The following EPHA6 variants were observed in gnomAD, a reference collection of about 807,000 sequenced individuals.
The protein encoded by EPHA6 is EPH receptor A6.
A neutral mutation model predicts 112.0 loss-of-function variants in EPHA6; 50 were observed. That is an observed-to-expected ratio of 0.45 (90% CI 0.36 to 0.56). The LOEUF is 0.56. EPHA6 is among the 20% of genes least tolerant of loss of function. EPHA6 has a pLI of 0.00. For synonymous variants in EPHA6, 529 were observed against 490.7 expected (o/e 1.08, Z -1.03); for missense variants, 1,280 against 1,417.4 (o/e 0.90, Z 1.56).
intron 14 of EPHA6, among the ~76,000 whole-genome samples, chr3:97,684,171 T>C (rs1170496066): frequency 6.6e-6 from 1 of 152,196 alleles, no homozygotes; most frequent in Non-Finnish European, 1.5e-5. Flanking sequence ...CATTAGTATG[T>C]GCTTAATTCT....
At position 97,372,049 on chromosome 3, in the gene EPHA6, G is replaced by A. The variant is rs148483334; in HGVS notation, c.1607-33101G>A. On this transcript the variant is annotated intron_variant, in intron 5 of 17. Coordinates refer to ENST00000389672, the MANE Select transcript of EPHA6 (RefSeq NM_001080448.3). ...AATTTTGCCCCGGTCCTGTGATCTC[G>A]CCCTGCCTTCATTTACCTTGTAATA... Among the ~76,000 whole-genome samples the A allele has an allele frequency of 5.2e-3, 795 of 152,076 alleles. 5 individuals carry two copies. The highest frequency in any genetic ancestry group is 0.017 in the African/African-American group (703 of 41,496).
chr3:97,757,038 C>T lies in EPHA6; in HGVS notation c.*8337C>T, dbSNP rs138182691. 3.6e-4 allele frequency among the ~76,000 whole-genome samples: 54 copies of T among 151,728 alleles called. No individual in the cohort carries two copies. In the East Asian group the frequency reaches 9.8e-3, roughly 28 times the overall value. ...TTCTTAAAATGTTAATTATGGTATA[C>T]GTGCTATAGTAACCTCATTTTTTAA... On this transcript the variant is annotated 3_prime_UTR_variant, in exon 18 of 18. Transcript: ENST00000389672.
intron 3 of EPHA6, among the ~76,000 whole-genome samples, chr3:97,105,105 C>A (rs1324571024): frequency 6.7e-6 from 1 of 150,080 alleles, no homozygotes. Flanking sequence ...ATTTCTTTGC[C>A]TTTGAATGTT....
intron 5 of EPHA6, among the ~76,000 whole-genome samples, chr3:97,397,776 G>A (rs1312127890): frequency 6.6e-6 from 1 of 151,274 alleles, no homozygotes; most frequent in Non-Finnish European, 1.5e-5. Flanking sequence ...TATACAGAAT[G>A]GAGTATTTTA....
At chr3:97,208,613 G>T (rs1393958521) in intron 3 of EPHA6, among the ~76,000 whole-genome samples, 1 of 152,020 alleles carries the variant, frequency 6.6e-6, no homozygotes, top group African/African-American at 2.4e-5. Context: ...TGGACATGGT[G>T]GTGCATGCCT....
intron 3 of EPHA6, among the ~76,000 whole-genome samples, chr3:97,210,222 T>G (rs2077831180): frequency 2.0e-5 from 3 of 152,254 alleles, no homozygotes; most frequent in Non-Finnish European, 4.4e-5. Context: ...AAAAAATGTT[T>G]AATTGACTCC....
intron 16 of EPHA6, among the ~76,000 whole-genome samples, chr3:97,737,568 T>C (rs1001712400): frequency 1.3e-5 from 2 of 152,072 alleles, no homozygotes; most frequent in Non-Finnish European, 2.9e-5. Flanking sequence ...TTCTTTCTTA[T>C]ACAAGTTGGC....
intron 12 of EPHA6, among the ~76,000 whole-genome samples, chr3:97,596,875 AATATAT>A (rs62670860): frequency 0.035 from 3,510 of 100,196 alleles, 148 homozygotes; most frequent in East Asian, 0.19. Context: ...ATATCTATGG[AATATAT>A]ATATATATAT....
chr3:97,163,566 T>A (rs2076466791), intron 3 of EPHA6, among the ~76,000 whole-genome samples: 1 of 152,170 alleles, frequency 6.6e-6, no homozygotes, highest in African/African-American at 2.4e-5. Context: ...AATTTGTACC[T>A]TGTCTAGTTA....
At chr3:97,235,883 T>C (rs1013550672) in intron 4 of EPHA6, among the ~76,000 whole-genome samples, 17 of 152,106 alleles carry the variant, frequency 1.1e-4, no homozygotes, top group Admixed American at 8.5e-4. Flanking sequence ...CTTGTTTTTC[T>C]TTTTATTGTT....
At chr3:97,088,251 A>G (rs941139637) in intron 3 of EPHA6, among the ~76,000 whole-genome samples, 8 of 152,128 alleles carry the variant, frequency 5.3e-5, no homozygotes, top group African/African-American at 1.9e-4. Context: ...TTAAAGATAC[A>G]GTATTAGTAA....
At chr3:97,706,455 A>G (rs1185841354) in intron 14 of EPHA6, among the ~76,000 whole-genome samples, 2 of 152,210 alleles carry the variant, frequency 1.3e-5, no homozygotes, top group Non-Finnish European at 2.9e-5. Flanking sequence ...AACATTGTGA[A>G]ATCTCACTGC....
chr3:97,519,039 C>T (rs1004478915), intron 10 of EPHA6, among the ~76,000 whole-genome samples: 3 of 151,924 alleles, frequency 2.0e-5, no homozygotes, highest in South Asian at 4.1e-4. Context: ...GATGCCTGTG[C>T]GTTTAAGTAC....
chr3:97,687,562 G>C (rs955682597), intron 14 of EPHA6, among the ~76,000 whole-genome samples: 1 of 152,160 alleles, frequency 6.6e-6, no homozygotes, highest in Non-Finnish European at 1.5e-5. Context: ...GATCAATTAA[G>C]TTATTTTTAT....
rs756509790 is a variant in EPHA6 at position 96,994,272 on chromosome 3, A to C, written c.1114+6279A>C. ...GTATTTTAGTCCTCTTTCAAATCTC[A>C]GCTGATATTTCATAACTTTTAATTT... On this transcript the variant is annotated intron_variant, in intron 3 of 17. Transcript: ENST00000389672. The C allele has an allele frequency of 2.8e-5, 10 of 355,190 alleles. 1 individual carries two copies. In the Admixed American group the frequency reaches 2.9e-4, roughly 10 times the overall value. 22.0% of individuals were successfully genotyped at this position (355,190 alleles called of 1,614,324 possible).
intron 6 of EPHA6, among the ~76,000 whole-genome samples, chr3:97,442,580 A>G (rs2090172476): frequency 6.6e-6 from 1 of 152,166 alleles, no homozygotes; most frequent in Non-Finnish European, 1.5e-5. Context: ...AAAAAGAGAG[A>G]GAGAGAGAGA....
chr3:97,571,470 C>G (rs2093332513), intron 11 of EPHA6, among the ~76,000 whole-genome samples: 2 of 152,090 alleles, frequency 1.3e-5, no homozygotes, highest in Non-Finnish European at 2.9e-5. Flanking sequence ...TTGATAGATT[C>G]TGAAGCTGTC....
chr3:97,165,593 C>A (rs2076522956), intron 3 of EPHA6, among the ~76,000 whole-genome samples: 1 of 151,994 alleles, frequency 6.6e-6, no homozygotes, highest in Admixed American at 6.6e-5. Flanking sequence ...GTATAATGAG[C>A]AGAGACAAGT....
intron 6 of EPHA6, among the ~76,000 whole-genome samples, chr3:97,408,141 GGCCATACTT>G (rs2087479147): frequency 1.3e-5 from 2 of 151,852 alleles, no homozygotes; most frequent in Admixed American, 6.6e-5. Flanking sequence ...GGAAGGAGAG[GGCCATACTT>G]GCCTTTTCAT....
Sources: allele counts gnomAD v4.1 joint callset (sites outside exome capture counted in the v4.1 genomes callset), GRCh38; gene constraint gnomAD v4.1.1; transcripts MANE v1.5; gene names NCBI Gene and HGNC (gene_info 2026-07-23, HGNC 2026-07-21).